Variants in BRD8 observed in about 807,000 individuals in gnomAD.
BRD8 encodes the protein bromodomain containing 8.
A neutral mutation model predicts 143.1 loss-of-function variants in BRD8; 67 were observed. The observed-to-expected ratio is 0.47, with a 90% CI of 0.38 to 0.57. BRD8 has a LOEUF of 0.57. Among genes scored for constraint, BRD8 ranks in the 20% least tolerant of loss-of-function variants. The pLI, the probability that BRD8 is intolerant of heterozygous loss-of-function variation, is 0.00. For missense variants in BRD8, 1,103 were observed against 1,503.0 expected (o/e 0.73, Z 4.40); for synonymous variants, 505 against 517.1 (o/e 0.98, Z 0.32).
At chr5:138,177,063 G>C (rs956077802) in intron 2 of BRD8, 1 of 150,140 alleles carries the variant, frequency 6.7e-6, no homozygotes, top group Non-Finnish European at 1.5e-5. Context: ...CTCCAGCCTG[G>C]GCCACAGAGT....
chr5:138,163,567 G>C, intron 14 of BRD8: 11 of 1,331,498 alleles, frequency 8.3e-6, no homozygotes, highest in Non-Finnish European at 4.0e-6. Flanking sequence ...TAAAAAGAAA[G>C]AAAAAAAAAA....
intron 2 of BRD8, among the ~76,000 whole-genome samples, chr5:138,175,072 G>A (rs998430830): frequency 2.0e-5 from 3 of 152,066 alleles, no homozygotes; most frequent in African/African-American, 7.2e-5. Context: ...TTTTAGTAGA[G>A]ACGGGGTTTC....
rs547001762 is a variant in BRD8, at chr5:138,152,822, C to T, written c.2578-62G>A. On this transcript the variant is annotated intron_variant, in intron 20 of 26. Transcript: ENST00000254900. ...CAAATAAATATTCCTGAGGCATCTC[C>T]ATCTCCCGAGTTCAGTAGAAAAATA... 6.4e-5 allele frequency: 99 copies of T among 1,543,334 alleles called. No individual in the cohort carries two copies. In the African/African-American group the frequency reaches 1.2e-3, roughly 19 times the overall value.
intron 8 of BRD8, 78 bp from the exon 9 acceptor site, chr5:138,168,156 G>A: frequency 1.9e-6 from 2 of 1,069,976 alleles, no homozygotes; most frequent in Non-Finnish European, 2.8e-6. Flanking sequence ...TCCAGCAGTT[G>A]ATCAAACTTC....
At chr5:138,162,870 A>G (rs189846768) in intron 15 of BRD8, among the ~76,000 whole-genome samples, 1 of 151,996 alleles carries the variant, frequency 6.6e-6, no homozygotes, top group Non-Finnish European at 1.5e-5. Context: ...GTGTGGTGGC[A>G]CAGGCTGGTA....
intron 2 of BRD8, among the ~76,000 whole-genome samples, chr5:138,176,350 T>C (rs1456742265): frequency 2.0e-5 from 3 of 152,100 alleles, no homozygotes; most frequent in African/African-American, 7.2e-5. Flanking sequence ...CCCAGCACTT[T>C]TGGAGGCCAG....
chr5:138,167,881 T>A (rs779470295), intron 9 of BRD8, 53 bp downstream of exon 9: 123 of 1,525,902 alleles, frequency 8.1e-5, no homozygotes, highest in Non-Finnish European at 1.1e-4. Flanking sequence ...CTGAGGTCAG[T>A]CAATGTCAAG....
chr5:138,140,552 T>C (rs933463816), intron 26 of BRD8, 153 bp downstream of exon 26: 60 of 870,680 alleles, frequency 6.9e-5, no homozygotes, highest in Non-Finnish European at 1.0e-4. Context: ...AGGCTCAGGG[T>C]TTTCCAAACC....
In BRD8 at chr5:138,158,641, A is replaced by C. The variant is rs547450235; in HGVS notation, c.2577+914T>G. ...TTTTTTTAGTAGAGACGGGGTTTTTACATGTTGGTCAGGCTGGTCTCGAAC... is the reference window on the plus strand; with the variant it reads ...TTTTTTTAGTAGAGACGGGGTTTTTCCATGTTGGTCAGGCTGGTCTCGAAC... On this transcript the variant is annotated intron_variant, in intron 20 of 26. Transcript: ENST00000254900. Among the ~76,000 whole-genome samples, 1,265 of 148,036 alleles carry C rather than the reference A, an allele frequency of 8.5e-3. 17 individuals carry two copies. The highest frequency in any genetic ancestry group is 0.029 in the African/African-American group (1,180 of 40,144).
chr5:138,163,776 T>C, intron 14 of BRD8: 3 of 682,778 alleles, frequency 4.4e-6, no homozygotes, highest in Non-Finnish European at 4.6e-6. Context: ...TGATTCTCTT[T>C]GGATAGTCTA....
At position 138,171,408 on chromosome 5, in the gene BRD8, A is replaced by T; in HGVS notation, c.189T>A (p.His63Gln). The change falls in exon 4 of 27, where the codon CAT becomes CAA. Residue 63 changes from histidine (H) to glutamine (Q), a missense_variant and splice_region_variant. This residue lies in a region of BRD8 where 69 missense variants were observed against 121.6 expected (regional missense o/e 0.57). Coordinates refer to ENST00000254900, the MANE Select transcript of BRD8 (RefSeq NM_139199.2). ...GRPPDWFSQKHCASQYSELLE... is the reference protein window; with the variant it reads ...GRPPDWFSQKQCASQYSELLE... ...AAAGCTCCGAGTACTGGGAAGCACA[A>T]TGCTATTAAAAAAAAAAAAAAAAGT... 6.5e-7 allele frequency: 1 copy of T among 1,531,652 alleles called. No individual in the cohort carries two copies. Among genetic ancestry groups the T allele is most frequent in the Non-Finnish European group, 8.7e-7 (1 of 1,147,112 alleles). The allele number at this position is 1,531,652 out of a possible 1,614,324, so 94.9% of individuals were successfully genotyped here. A position where few individuals can be genotyped will look rare whatever the true frequency, so the allele number is the denominator to read the frequency against.
At chr5:138,145,277 A>G in intron 24 of BRD8, 32 bp from the exon 25 acceptor site, 1 of 1,602,448 alleles carries the variant, frequency 6.2e-7, no homozygotes, top group Non-Finnish European at 8.5e-7. Context: ...GAGGATAAAG[A>G]AACCCTGGCA....
rs1752312058 is a variant in BRD8 at position 138,149,920 on chromosome 5, A to G, written c.3121-123T>C. ...GAAGAGGTCAATTACATAAAGCTAC[A>G]AAAGAAATTAAAGAAAGCTGACTTA... On this transcript the variant is annotated intron_variant, in intron 22 of 26. Coordinates refer to ENST00000254900, the MANE Select transcript of BRD8 (RefSeq NM_139199.2). The G allele has an allele frequency of 3.4e-6, 3 of 879,434 alleles. No homozygotes were observed. In the East Asian group the frequency reaches 8.5e-5, roughly 25 times the overall value. The allele number at this position is 879,434 out of a possible 1,614,324, so 54.5% of individuals were successfully genotyped here.
At chr5:138,144,129 C>T (rs1171900496) in intron 25 of BRD8, among the ~76,000 whole-genome samples, 1 of 135,530 alleles carries the variant, frequency 7.4e-6, no homozygotes, top group Non-Finnish European at 1.6e-5. Context: ...GATGTACCAC[C>T]TTTAAGAGCT....
At chr5:138,167,839 C>G in intron 9 of BRD8, 95 bp downstream of exon 9, 1 of 1,149,116 alleles carries the variant, frequency 8.7e-7, no homozygotes, top group Non-Finnish European at 1.3e-6. Flanking sequence ...GGCTTTAAAT[C>G]TAGCACTGAC....
rs200545131 is a variant in BRD8, at chr5:138,177,612, T to A, written c.75A>T (p.Leu25=). Residue 25 remains leucine, a synonymous_variant, in exon 2 of 27, where the codon CTA becomes CTT. Transcript: ENST00000254900. Reference sequence around the variant, plus strand: ...TTCTCATGACAGAAGATGCTAAACATAGCTTCTCTCGGATGGACCATGGCT... The same window carrying A: ...TTCTCATGACAGAAGATGCTAAACAAAGCTTCTCTCGGATGGACCATGGCT... The part of the protein sequence containing the change: ...PTEPWSIREK[L]CLASSVMRSG... The A allele has an allele frequency of 6.2e-7, 1 of 1,610,102 alleles. No homozygotes were observed. The highest frequency in any genetic ancestry group is 1.4e-5 in the African/African-American group (1 of 73,632).
chr5:138,156,925 T>C (rs1260544408), intron 20 of BRD8: 1 of 1,215,236 alleles, frequency 8.2e-7, no homozygotes, highest in Non-Finnish European at 1.0e-6. Flanking sequence ...CACATTTCAC[T>C]GGTGGTTGTT....
intron 8 of BRD8, among the ~76,000 whole-genome samples, chr5:138,168,879 C>T (rs546877959): frequency 6.6e-6 from 1 of 152,296 alleles, no homozygotes; most frequent in East Asian, 1.9e-4. Flanking sequence ...CTCAAACCCA[C>T]AGTGACTCAA....
chr5:138,161,919 G>A, intron 16 of BRD8, 55 bp from the exon 17 acceptor site: 4 of 1,597,166 alleles, frequency 2.5e-6, no homozygotes, highest in Non-Finnish European at 3.4e-6. Context: ...TGCAGGGAGG[G>A]AACTTACTCT....
Sources: gnomAD v4.1 joint callset for allele counts (sites outside exome capture counted in the v4.1 genomes callset) on GRCh38, gnomAD v4.1.1 for gene constraint, gnomAD v4.1.1 regional missense constraint, MANE v1.5 for transcripts, NCBI Gene and HGNC (gene_info 2026-07-23, HGNC 2026-07-21) for gene names.